Variants in RSPH10B2 observed in about 807,000 individuals in gnomAD.
RSPH10B2 encodes radial spoke head 10 homolog B2.
In RSPH10B2, 9 loss-of-function variants were observed where a neutral mutation model predicts 49.0. The observed-to-expected ratio is 0.18, with a 90% confidence interval of 0.11 to 0.32. RSPH10B2 has a LOEUF of 0.32. Ranked by LOEUF, RSPH10B2 falls within the 10% of genes least tolerant of loss-of-function variation. RSPH10B2 has a pLI of 1.00. For synonymous variants in RSPH10B2, 35 were observed against 210.2 expected (o/e 0.17, Z 7.21); for missense variants, 95 against 589.9 (o/e 0.16, Z 8.69).
chr7:6,786,307 C>G (rs1336342853), intron 14 of RSPH10B2, among the ~76,000 whole-genome samples: 3 of 101,518 alleles, frequency 3.0e-5, no homozygotes, highest in Non-Finnish European at 5.6e-5. Context: ...CTCAGCCTCC[C>G]GAGTAGCTGA....
At chr7:6,777,863 CA>C (rs1256770874) in intron 10 of RSPH10B2, among the ~76,000 whole-genome samples, 2 of 149,498 alleles carry the variant, frequency 1.3e-5, no homozygotes, top group African/African-American at 4.9e-5. Context: ...TGGGAAGGCC[CA>C]GGTTGGGAGA....
intron 14 of RSPH10B2, among the ~76,000 whole-genome samples, chr7:6,786,342 C>T (rs1782177245): frequency 1.7e-5 from 2 of 115,684 alleles, no homozygotes; most frequent in Non-Finnish European, 3.4e-5. Flanking sequence ...GCCACCACGC[C>T]CGGCTAATTT....
chr7:6,797,866 TAC>T lies in RSPH10B2; in HGVS notation c.2433-476_2433-475del, dbSNP rs753716997. Reference sequence around the variant, plus strand: ...AGACCCTATCTCAAAAAAAAAAAAATACACACACACACACACACACACGTAAC... The same window carrying T: ...AGACCCTATCTCAAAAAAAAAAAAATACACACACACACACACACACGTAAC... On this transcript the variant is annotated intron_variant, in intron 18 of 18. Transcript: ENST00000297186. Among the ~76,000 whole-genome samples the T allele has an allele frequency of 7.3e-4, 48 of 65,666 alleles. 8 individuals carry two copies. The highest frequency in any genetic ancestry group is 3.9e-3 in the South Asian group (3 of 766). The allele number at this position is 65,666 out of a possible 152,430, so 43.1% of individuals were successfully genotyped here.
upstream of RSPH10B2, among the ~76,000 whole-genome samples, chr7:6,752,122 C>G (rs1195048798): frequency 2.0e-5 from 3 of 151,146 alleles, no homozygotes; most frequent in African/African-American, 4.9e-5. Flanking sequence ...AGCCCTGATT[C>G]ACATTAAATT....
In RSPH10B2 at chr7:6,796,177, G is replaced by A. The variant is rs1029096944; in HGVS notation, c.2234-391G>A. Among the ~76,000 whole-genome samples the A allele has an allele frequency of 6.3e-4, 77 of 123,070 alleles. 8 individuals are homozygous for A. Among genetic ancestry groups the A allele is most frequent in the Non-Finnish European group, 1.1e-3 (65 of 57,584 alleles). The allele number at this position is 123,070 out of a possible 152,430, so 80.7% of individuals were successfully genotyped here. A position where few individuals can be genotyped will look rare whatever the true frequency, so the allele number is the denominator to read the frequency against. On this transcript the variant is annotated intron_variant, in intron 17 of 18. Coordinates refer to ENST00000297186, the Ensembl canonical transcript of RSPH10B2. Reference sequence around the variant, plus strand: ...TCTACTAAAAATACAAAAATTAGCCGAGTGTGATGGCGCACGCCTGTAGCT... The same window carrying A: ...TCTACTAAAAATACAAAAATTAGCCAAGTGTGATGGCGCACGCCTGTAGCT...
At chr7:6,795,933 A>T (rs1336243688) in intron 17 of RSPH10B2, among the ~76,000 whole-genome samples, 2 of 65,090 alleles carry the variant, frequency 3.1e-5, no homozygotes, top group Non-Finnish European at 6.0e-5. Flanking sequence ...GCTTGTCTTT[A>T]AAAAAAAAAA....
chr7:6,768,319 C>G (rs1459308352), intron 6 of RSPH10B2, among the ~76,000 whole-genome samples: 14 of 152,304 alleles, frequency 9.2e-5, no homozygotes, highest in African/African-American at 3.1e-4. Flanking sequence ...GTTGGCCAGG[C>G]TGGTTTCAAA....
rs753716997 is a variant in RSPH10B2 at position 6,797,866 on chromosome 7, T to TACACACACACAC, written c.2433-486_2433-475dup. 9.1e-5 allele frequency among the ~76,000 whole-genome samples: 6 copies of TACACACACACAC among 65,734 alleles called. 1 individual carries two copies. Among genetic ancestry groups the TACACACACACAC allele is most frequent in the African/African-American group, 3.7e-4 (5 of 13,384 alleles). The allele number at this position is 65,734 out of a possible 152,430, so 43.1% of individuals were successfully genotyped here. ...AGACCCTATCTCAAAAAAAAAAAAATACACACACACACACACACACACGTA... is the reference window on the plus strand; with the variant it reads ...AGACCCTATCTCAAAAAAAAAAAAATACACACACACACACACACACACACACACACACACGTA... On this transcript the variant is annotated intron_variant, in intron 18 of 18. Transcript: ENST00000297186.
chr7:6,784,809 G>A (rs1175550402), intron 13 of RSPH10B2, among the ~76,000 whole-genome samples: 3 of 110,342 alleles, frequency 2.7e-5, no homozygotes, highest in African/African-American at 3.9e-5. Flanking sequence ...CTCGTGAGCC[G>A]CCTGCCTCGG....
At chr7:6,797,719 G>C (rs1782651471) in intron 18 of RSPH10B2, among the ~76,000 whole-genome samples, 1 of 151,256 alleles carries the variant, frequency 6.6e-6, no homozygotes, top group Non-Finnish European at 1.5e-5. Flanking sequence ...GCCAGATGTG[G>C]TGGCAGGCGC....
chr7:6,766,474 G>GT (rs1479922723), intron 5 of RSPH10B2, among the ~76,000 whole-genome samples: 5 of 85,706 alleles, frequency 5.8e-5, no homozygotes, highest in Non-Finnish European at 1.1e-4. Flanking sequence ...CAAGTAGCTG[G>GT]GCTAATTTTT....
intron 7 of RSPH10B2, among the ~76,000 whole-genome samples, chr7:6,770,687 C>T (rs1401138424): frequency 2.0e-5 from 3 of 148,664 alleles, no homozygotes; most frequent in East Asian, 2.0e-4. Context: ...GGATGGATCA[C>T]GAGGTCAGGA....
At chr7:6,785,142 C>CGTGT (rs370307535) in intron 13 of RSPH10B2, among the ~76,000 whole-genome samples, 22 of 63,676 alleles carry the variant, frequency 3.5e-4, no homozygotes, top group East Asian at 1.1e-3. Context: ...GAGGTAAATA[C>CGTGT]GTGTGTGTGT....
chr7:6,783,266 G>A lies in RSPH10B2; in HGVS notation c.1758+1790G>A, dbSNP rs1404730968. Among the ~76,000 whole-genome samples the A allele has an allele frequency of 6.9e-5, 8 of 115,134 alleles. 2 individuals carry two copies. The East Asian group carries it at 1.8e-3, about 26-fold the overall frequency. 75.5% of individuals were successfully genotyped at this position (115,134 alleles called of 152,430 possible). A position where few individuals can be genotyped will look rare whatever the true frequency, so the allele number is the denominator to read the frequency against. ...AGGATGATCTCAATCTCTTGACCTCGTGATCCGCCCGTGTCGGACTCCCAA... is the reference window on the plus strand; with the variant it reads ...AGGATGATCTCAATCTCTTGACCTCATGATCCGCCCGTGTCGGACTCCCAA... On this transcript the variant is annotated intron_variant, in intron 13 of 18. Transcript: ENST00000297186.
intron 13 of RSPH10B2, 123 bp from the exon 16 acceptor site, chr7:6,785,826 C>G (rs1243995301): frequency 9.6e-7 from 1 of 1,037,024 alleles, no homozygotes; most frequent in Admixed American, 2.1e-5. Context: ...CTCCGTCTCT[C>G]AAAAAAAAGA....
At chr7:6,768,345 C>T (rs2115425124) in intron 6 of RSPH10B2, among the ~76,000 whole-genome samples, 1 of 152,408 alleles carries the variant, frequency 6.6e-6, no homozygotes, top group East Asian at 1.9e-4. Flanking sequence ...TTATATCTAA[C>T]CTGAGGGGTA....
intron 1 of RSPH10B2, among the ~76,000 whole-genome samples, chr7:6,758,814 C>T (rs1259183466): frequency 7.7e-6 from 1 of 130,076 alleles, no homozygotes; most frequent in Non-Finnish European, 1.7e-5. Flanking sequence ...CATTGCACTC[C>T]ATCCAGCCCG....
chr7:6,785,709 C>A (rs1464214056), intron 13 of RSPH10B2, among the ~76,000 whole-genome samples: 6 of 151,382 alleles, frequency 4.0e-5, no homozygotes, highest in Admixed American at 2.0e-4. Context: ...CCTGTAGTCC[C>A]AGCTACTTGG....
chr7:6,797,465 C>G (rs1233431222), intron 18 of RSPH10B2, among the ~76,000 whole-genome samples: 3 of 152,180 alleles, frequency 2.0e-5, no homozygotes, highest in African/African-American at 7.2e-5. Context: ...TTGGGACTTT[C>G]AGCTCCAGCC....
Sources: gnomAD v4.1 joint callset for allele counts (sites outside exome capture counted in the v4.1 genomes callset) on GRCh38, gnomAD v4.1.1 for gene constraint, MANE v1.5 for transcripts, NCBI Gene and HGNC (gene_info 2026-07-23, HGNC 2026-07-21) for gene names.